MACROD2: variants seen among roughly 807,000 people sequenced by gnomAD.
MACROD2 encodes the protein mono-ADP ribosylhydrolase 2.
In MACROD2, 36 loss-of-function variants were observed where a neutral mutation model predicts 70.4. The observed-to-expected ratio is 0.51, with a 90% CI of 0.39 to 0.68. The LOEUF (loss-of-function observed/expected upper bound fraction) is 0.68. Among genes scored for constraint, MACROD2 ranks in the 30% least tolerant of loss-of-function variants. MACROD2 has a pLI of 0.00. For missense variants in MACROD2, 496 were observed against 538.4 expected, an observed-to-expected ratio of 0.92 and a Z score of 0.78; for synonymous variants, 172 against 178.8, an observed-to-expected ratio of 0.96 and a Z score of 0.30.
chr20:15,027,613 G>T (rs995259383), intron 5 of MACROD2, among the ~76,000 whole-genome samples: 1 of 151,600 alleles, frequency 6.6e-6, no homozygotes, highest in Non-Finnish European at 1.5e-5. Context: ...AGTGGCTCAT[G>T]CCTGTAATCC....
intron 5 of MACROD2, chr20:14,887,978 C>T (rs6034055): frequency 0.91 from 138,060 of 152,106 alleles, 62,839 homozygotes; most frequent in East Asian, 1. Context: ...AGAGGGAAAA[C>T]CAGGCCTCTG....
chr20:15,022,944 G>A (rs906484747), intron 5 of MACROD2: 5 of 152,042 alleles, frequency 3.3e-5, no homozygotes, highest in African/African-American at 1.2e-4. Context: ...AATTTGTGAA[G>A]CATTCCATAA....
chr20:15,675,551 G>T (rs936181323), intron 8 of MACROD2, among the ~76,000 whole-genome samples: 1 of 152,066 alleles, frequency 6.6e-6, no homozygotes, highest in Non-Finnish European at 1.5e-5. Context: ...GTTTAGCGCT[G>T]GCAACCCTTT....
intron 5 of MACROD2, among the ~76,000 whole-genome samples, chr20:14,711,311 AAATCATGT>A (rs2071335980): frequency 6.6e-6 from 1 of 152,218 alleles, no homozygotes. Context: ...AAAGAGGAAT[AAATCATGT>A]ATCCATTTTT....
At chr20:15,975,359 T>C (rs947637973) in intron 13 of MACROD2, among the ~76,000 whole-genome samples, 2 of 152,138 alleles carry the variant, frequency 1.3e-5, no homozygotes, top group Non-Finnish European at 2.9e-5. Flanking sequence ...ATGTTCATAC[T>C]TTGATGGAAA....
chr20:14,088,846 C>G (rs993720616), intron 3 of MACROD2, among the ~76,000 whole-genome samples: 1 of 150,720 alleles, frequency 6.6e-6, no homozygotes, highest in African/African-American at 2.4e-5. Flanking sequence ...AGATCTCTGA[C>G]TAATAGGACA....
Position 15,187,613 on chromosome 20 carries a change from A to G in MACROD2, c.419-42327A>G, listed in dbSNP as rs568206396. On this transcript the variant is annotated intron_variant, in intron 5 of 17. Coordinates refer to ENST00000684519, the MANE Select transcript of MACROD2 (RefSeq NM_001351661.2). ...TGTAGTTAAGGAGAAAATTAGCCAT[A>G]TTTTCCTTCAGTGCCTTTGATTAAA... Among the ~76,000 whole-genome samples, 16 of 152,192 alleles carry G rather than the reference A, an allele frequency of 1.1e-4. 1 individual carries two copies. In the South Asian group the frequency reaches 3.1e-3, roughly 30 times the overall value.
chr20:14,066,956 C>A (rs544134141), intron 2 of MACROD2, among the ~76,000 whole-genome samples: 1 of 145,730 alleles, frequency 6.9e-6, no homozygotes, highest in Non-Finnish European at 1.5e-5. Context: ...GGACTACAGG[C>A]GCCCACCACC....
At chr20:14,328,530 T>C (rs1193376476) in intron 3 of MACROD2, among the ~76,000 whole-genome samples, 2 of 152,156 alleles carry the variant, frequency 1.3e-5, no homozygotes, top group African/African-American at 4.8e-5. Context: ...TAAGTATTAA[T>C]TAGCCTTTGT....
At chr20:15,044,925 T>C (rs2075381630) in intron 5 of MACROD2, among the ~76,000 whole-genome samples, 1 of 152,208 alleles carries the variant, frequency 6.6e-6, no homozygotes, top group African/African-American at 2.4e-5. Context: ...ATTTTAAGTT[T>C]TGTCTAAAAA....
chr20:15,462,419 G>T (rs535059156), intron 7 of MACROD2, among the ~76,000 whole-genome samples: 1 of 152,256 alleles, frequency 6.6e-6, no homozygotes, highest in South Asian at 2.1e-4. Context: ...TTATTGTAAA[G>T]TAATTGCAAA....
intron 3 of MACROD2, among the ~76,000 whole-genome samples, chr20:14,177,303 T>TC (rs1217035669): frequency 2.0e-5 from 3 of 148,490 alleles, no homozygotes; most frequent in Admixed American, 6.7e-5. Context: ...GATATCTTCT[T>TC]TTTTTTTTTT....
chr20:15,965,521 A>G (rs2066127931), intron 12 of MACROD2, among the ~76,000 whole-genome samples: 1 of 152,192 alleles, frequency 6.6e-6, no homozygotes. Context: ...TTTTAACTAA[A>G]CATAAAATCT....
chr20:15,099,324 G>A (rs765315816), intron 5 of MACROD2, among the ~76,000 whole-genome samples: 4 of 152,106 alleles, frequency 2.6e-5, no homozygotes, highest in Non-Finnish European at 5.9e-5. Context: ...TGAGGATGGG[G>A]CCCCATGATG....
chr20:14,049,844 GAGGCCGAGGCAGGCAGATCACCTGAGTTC>G (rs2053539888), intron 2 of MACROD2, among the ~76,000 whole-genome samples: 1 of 152,064 alleles, frequency 6.6e-6, no homozygotes, highest in African/African-American at 2.4e-5. Context: ...AGCTCTTTGG[GAGGCCGAGGCAGGCAGATCACCTGAGTTC>G]AGGAGTTTGA....
Position 14,047,355 on chromosome 20 carries a change from T to A in MACROD2, c.164-38266T>A, listed in dbSNP as rs987314826. 2.0e-5 allele frequency among the ~76,000 whole-genome samples: 3 copies of A among 150,482 alleles called. No individual in the cohort carries two copies. The South Asian group carries it at 6.3e-4, about 31-fold the overall frequency. On this transcript the variant is annotated intron_variant, in intron 2 of 17. Transcript: ENST00000684519. ...CTGTAATCCTAGCTATTTGGGAGGC[T>A]GAGTCAGGAGAATTGCTTGAACCTG...
intron 4 of MACROD2, among the ~76,000 whole-genome samples, chr20:14,658,021 A>G (rs1986057173): frequency 1.3e-5 from 2 of 151,942 alleles, no homozygotes; most frequent in Non-Finnish European, 2.9e-5. Context: ...TGATAATTTC[A>G]ATAACATATT....
chr20:14,146,431 C>T (rs577864012), intron 3 of MACROD2, among the ~76,000 whole-genome samples: 3 of 152,150 alleles, frequency 2.0e-5, no homozygotes, highest in Admixed American at 6.5e-5. Flanking sequence ...TCTAGTTCTG[C>T]CCCTTCTCCA....
intron 10 of MACROD2, 28 bp downstream of exon 10, chr20:15,885,839 G>A: frequency 2.0e-6 from 3 of 1,489,496 alleles, no homozygotes; most frequent in East Asian, 2.6e-5. Flanking sequence ...TTATTATTAG[G>A]GGGTAGGTAG....
Sources: gnomAD v4.1 joint callset for allele counts (sites outside exome capture counted in the v4.1 genomes callset) on GRCh38, gnomAD v4.1.1 for gene constraint, MANE v1.5 for transcripts, NCBI Gene and HGNC (gene_info 2026-07-23, HGNC 2026-07-21) for gene names.